The following FSIP2 variants were observed in gnomAD, a reference collection of about 807,000 sequenced individuals.
The protein encoded by FSIP2 is fibrous sheath interacting protein 2, also known as fibrous sheath-interacting protein 2.
FSIP2 carries 367 observed loss-of-function variants against 510.5 expected under a neutral mutation model. That is an observed-to-expected ratio of 0.72 (90% confidence interval 0.66 to 0.78). The LOEUF (loss-of-function observed/expected upper bound fraction) is 0.78. Among genes scored for constraint, FSIP2 ranks in the 30% least tolerant of loss-of-function variants. The pLI is 0.00. For synonymous variants in FSIP2, 2,601 were observed against 2,732.2 expected (o/e 0.95, Z 1.50); for missense variants, 7,594 against 7,901.7 (o/e 0.96, Z 1.48).
chr2:185,832,707 C>T (rs1350342508), intron 22 of FSIP2, among the ~76,000 whole-genome samples: 1 of 151,752 alleles, frequency 6.6e-6, no homozygotes, highest in Admixed American at 6.6e-5. Context: ...GTCCTATTTT[C>T]CATGACATAA....
chr2:185,745,962 AAT>A (rs1692021055), intron 5 of FSIP2, among the ~76,000 whole-genome samples: 1 of 152,156 alleles, frequency 6.6e-6, no homozygotes, highest in Non-Finnish European at 1.5e-5. Context: ...CCAATATATA[AAT>A]ATGTGCTGTC....
upstream of FSIP2, chr2:185,738,668 G>A (rs998900734): frequency 5.2e-6 from 8 of 1,535,976 alleles, no homozygotes; most frequent in African/African-American, 8.2e-5. Flanking sequence ...AGGCCTCTCG[G>A]ACCGATTTTC....
chr2:185,826,540 G>C lies in FSIP2; in HGVS notation c.20474-1616G>C, dbSNP rs117952533. 1.0e-3 allele frequency among the ~76,000 whole-genome samples: 155 copies of C among 151,850 alleles called. 5 individuals are homozygous for C. In the East Asian group the frequency reaches 0.029, roughly 28 times the overall value. ...TCTTCACTGGCCACACTCTGAAGTT[G>C]CAACTTAATTCTGATCAGGACGCTA... On this transcript the variant is annotated intron_variant, in intron 20 of 22. Transcript: ENST00000424728.
rs368137284 is a variant in FSIP2 at position 185,815,488 on chromosome 2, C to T, written c.20426+17C>T. On this transcript the variant is annotated intron_variant, in intron 19 of 22. Transcript: ENST00000424728. ...ATCTACTGGGTATATGAAATTAAAG[C>T]AGTAGAAATATAGAAATCTGATAAA... The T allele has an allele frequency of 4.5e-5, 52 of 1,143,884 alleles. No homozygotes were observed. The African/African-American group carries it at 7.5e-4, about 17-fold the overall frequency. 70.9% of individuals were successfully genotyped at this position (1,143,884 alleles called of 1,614,324 possible).
Position 185,796,899 on chromosome 2 carries a change from G to T in FSIP2, c.9763G>T (p.Asp3255Tyr). Residue 3255 changes from aspartate to tyrosine, a missense_variant, in exon 16 of 23, where the codon GAT becomes TAT. By Grantham distance (160) the Asp-to-Tyr change is radical (BLOSUM62 -3). Coordinates refer to ENST00000424728, the MANE Select transcript of FSIP2 (RefSeq NM_173651.4). ...AAGGGAATCTAACTTTGGTAGTTTT[G>T]ATCAGACCATGAAAGGAAATAGCTA... ...RPRESNFGSF[D>Y]QTMKGNSYLP... is the part of the protein sequence containing the mutation. 6.5e-7 allele frequency: 1 copy of T among 1,534,974 alleles called. No individual in the cohort carries two copies. The highest frequency in any genetic ancestry group is 1.2e-5 in the South Asian group (1 of 84,014).
chr2:185,798,793 C>T (rs1244008683), intron 16 of FSIP2, among the ~76,000 whole-genome samples: 1 of 151,868 alleles, frequency 6.6e-6, no homozygotes, highest in African/African-American at 2.4e-5. Flanking sequence ...CACATTGACA[C>T]TTGGCTCTAA....
chr2:185,808,584 T>C lies in FSIP2; in HGVS notation c.19278T>C (p.Tyr6426=), dbSNP rs374713637. The part of the protein sequence containing the change: ...ERIYQVVDSV[Y]SNILQQSGTN... The stretch of plus-strand genomic sequence containing the variant: ...TTTATCAGGTTGTCGATTCCGTTTA[T>C]AGTAACATACTGCAACAATCAGGAA... The change falls in exon 17 of 23, where the codon TAT becomes TAC. Residue 6426 remains tyrosine, a synonymous_variant. Coordinates refer to ENST00000424728, the MANE Select transcript of FSIP2 (RefSeq NM_173651.4). 1.9e-4 allele frequency: 303 copies of C among 1,611,484 alleles called. 3 individuals are homozygous for C. The East Asian group carries it at 3.5e-3, about 19-fold the overall frequency.
At chr2:185,738,679 C>G, upstream of FSIP2, 1 of 1,536,104 alleles carries the variant, frequency 6.5e-7, no homozygotes, top group African/African-American at 1.4e-5. Context: ...ACCGATTTTC[C>G]CAGCTCTGCG....
At position 185,806,387 on chromosome 2, in the gene FSIP2, C is replaced by T. The variant is rs76069343; in HGVS notation, c.17081C>T (p.Ser5694Phe). ...IFEDVLELSSSPEPAYYSKLS... is the reference protein window; with the variant it reads ...IFEDVLELSSFPEPAYYSKLS... ...GAAGATGTTTTAGAACTATCTTCTT[C>T]TCCAGAACCAGCATATTATTCGAAA... The change falls in exon 17 of 23, where the codon TCT (serine) becomes TTT (phenylalanine). Residue 5694 changes from serine (S) to phenylalanine (F), a missense_variant. Transcript: ENST00000424728. 6.5e-3 allele frequency: 10,432 copies of T among 1,611,598 alleles called. 396 individuals carry two copies. In the African/African-American group the frequency reaches 0.096, roughly 15 times the overall value.
chr2:185,787,373 GT>G (rs1172776612), intron 15 of FSIP2, among the ~76,000 whole-genome samples: 1 of 151,686 alleles, frequency 6.6e-6, no homozygotes, highest in Non-Finnish European at 1.5e-5. Flanking sequence ...TTTCAAGTGA[GT>G]CAGAAGAGAG....
At chr2:185,750,603 GTT>G (rs71014622) in intron 7 of FSIP2, among the ~76,000 whole-genome samples, 1 of 136,448 alleles carries the variant, frequency 7.3e-6, no homozygotes, top group Admixed American at 7.3e-5. Flanking sequence ...GCATTTCTCT[GTT>G]TTTTTTTTTT....
At position 185,804,985 on chromosome 2, in the gene FSIP2, A is replaced by G. The variant is rs775708578; in HGVS notation, c.15679A>G (p.Ile5227Val). ...ATTCCTCAGTAAATTAGCTGGTTTT[A>G]TTATGAAAGAAATCATGTATCATCA... ...CSFLSKLAGF[I>V]MKEIMYHHLQ... The change falls in exon 17 of 23, where the codon ATT (isoleucine) becomes GTT (valine). Residue 5227 changes from isoleucine (I) to valine (V), a missense_variant. By Grantham distance (29) the Ile-to-Val change is conservative. Transcript: ENST00000424728. 9.0e-6 allele frequency: 14 copies of G among 1,558,378 alleles called. No homozygotes were observed. In the African/African-American group the frequency reaches 1.5e-4, roughly 17 times the overall value.
intron 3 of FSIP2, 45 bp from the exon 4 acceptor site, chr2:185,744,277 T>G: frequency 2.6e-6 from 1 of 389,028 alleles, no homozygotes; most frequent in Non-Finnish European, 4.2e-6. Flanking sequence ...TATTAACATA[T>G]CAAACATTTT....
rs370098241 is a variant in FSIP2 at position 185,813,650 on chromosome 2, G to T, written c.19933G>T (p.Ala6645Ser). 6.2e-7 allele frequency: 1 copy of T among 1,602,850 alleles called. No individual in the cohort carries two copies. The highest frequency in any genetic ancestry group is 1.3e-5 in the African/African-American group (1 of 74,406). ...AAATGATCTTATTGTTCGATTAGTA[G>T]CTCATGATATTGATCAAGTGTATTT... ...SKNDLIVRLV[A>S]HDIDQVYLEN... Residue 6645 changes from alanine (A) to serine (S), a missense_variant, in exon 18 of 23, where the codon GCT becomes TCT. Transcript: ENST00000424728.
Position 185,808,239 on chromosome 2 carries a change from A to G in FSIP2, c.18933A>G (p.Leu6311=). The change falls in exon 17 of 23, where the codon TTA becomes TTG. Residue 6311 remains leucine, a synonymous_variant. Coordinates refer to ENST00000424728, the MANE Select transcript of FSIP2 (RefSeq NM_173651.4). The stretch of plus-strand genomic sequence containing the variant: ...AGGAAGAAGTATCAAATTCAGAATT[A>G]GTTCTGGAAGCTGTCAAAATTATGG... ...QVEEEVSNSE[L]VLEAVKIMEK... The G allele has an allele frequency of 6.2e-7, 1 of 1,602,772 alleles. No homozygotes were observed. Among genetic ancestry groups the G allele is most frequent in the Non-Finnish European group, 8.5e-7 (1 of 1,176,446 alleles).
At chr2:185,747,658 T>C (rs1209700790) in intron 7 of FSIP2, among the ~76,000 whole-genome samples, 1 of 152,106 alleles carries the variant, frequency 6.6e-6, no homozygotes, top group Non-Finnish European at 1.5e-5. Flanking sequence ...TAAACCATAC[T>C]TGTAATTACT....
Position 185,831,859 on chromosome 2 carries a change from A to G in FSIP2, c.20564A>G (p.Asn6855Ser). The change falls in exon 22 of 23, where the codon AAT (asparagine) becomes AGT (serine). Residue 6855 changes from asparagine to serine, a missense_variant. Physicochemically the swap from Asn to Ser is conservative, Grantham distance 46. Transcript: ENST00000424728. ...ERSKDVLGSA[N>S]PSKEVISETP... ...TCCAAGGATGTTCTTGGCAGTGCAA[A>G]TCCCTCAAAGGAAGTCATTTCAGGT... is the stretch of plus-strand genomic sequence containing the variant. 1 of 1,607,520 alleles carries G rather than the reference A, an allele frequency of 6.2e-7. No individual in the cohort carries two copies. Among genetic ancestry groups the G allele is most frequent in the East Asian group, 2.2e-5 (1 of 44,690 alleles).
chr2:185,744,988 T>G (rs1393346575), intron 4 of FSIP2: 1 of 148,450 alleles, frequency 6.7e-6, no homozygotes, highest in Non-Finnish European at 1.5e-5. Flanking sequence ...GGTGTGTGTG[T>G]GTGTGTGTGT....
Position 185,796,536 on chromosome 2 carries a change from G to A in FSIP2, c.9400G>A (p.Glu3134Lys), listed in dbSNP as rs1243157746. The change falls in exon 16 of 23, where the codon GAG becomes AAG. Residue 3134 changes from glutamate to lysine, a missense_variant. By Grantham distance (56) the Glu-to-Lys change is moderately conservative. Transcript: ENST00000424728. ...TLMDQCTYFN[E>K]SLIQNLSRES... ...AATGGACCAGTGTACTTATTTCAAT[G>A]AGTCTTTGATACAAAACCTTTCAAG... 2 of 1,535,030 alleles carry A rather than the reference G, an allele frequency of 1.3e-6. No homozygotes were observed. Among genetic ancestry groups the A allele is most frequent in the South Asian group, 2.4e-5 (2 of 84,044 alleles).
Sources: allele counts gnomAD v4.1 joint callset (sites outside exome capture counted in the v4.1 genomes callset), GRCh38; gene constraint gnomAD v4.1.1; transcripts MANE v1.5; gene names NCBI Gene and HGNC (gene_info 2026-07-23, HGNC 2026-07-21).